The following EYS variants were observed in gnomAD, a reference collection of about 807,000 sequenced individuals.
The protein encoded by EYS is EGF-like photoreceptor maintenance factor, also known as protein eyes shut homolog.
EYS carries 250 observed loss-of-function variants against 282.1 expected under a neutral mutation model. The ratio of observed to expected loss-of-function variants is 0.89; its 90% confidence interval spans 0.80 to 0.98. The LOEUF is 0.98. Among genes scored for constraint, EYS ranks in the 50% least tolerant of loss-of-function variants. The pLI, the probability that EYS is intolerant of heterozygous loss-of-function variation, is 0.00. For missense variants in EYS, 4,016 were observed against 3,709.0 expected, an observed-to-expected ratio of 1.08 and a Z score of -2.15; for synonymous variants, 1,355 against 1,282.9, an observed-to-expected ratio of 1.06 and a Z score of -1.20.
intron 12 of EYS, among the ~76,000 whole-genome samples, chr6:65,162,032 C>T (rs1355533950): frequency 6.6e-6 from 1 of 151,226 alleles, no homozygotes; most frequent in Non-Finnish European, 1.5e-5. Flanking sequence ...AACTATTAAA[C>T]ATCTGAAACA....
intron 5 of EYS, among the ~76,000 whole-genome samples, chr6:65,482,597 G>A (rs1765647789): frequency 6.6e-6 from 1 of 152,144 alleles, no homozygotes; most frequent in African/African-American, 2.4e-5. Context: ...CTACCCACTG[G>A]TGAGGATTAC....
At chr6:64,604,189 A>C (rs1766852900) in intron 24 of EYS, among the ~76,000 whole-genome samples, 1 of 151,802 alleles carries the variant, frequency 6.6e-6, no homozygotes, top group South Asian at 2.1e-4. Context: ...ACATTGTTTT[A>C]TTTATTTTCC....
chr6:65,704,043 C>T (rs1171067161), intron 1 of EYS, among the ~76,000 whole-genome samples: 1 of 152,042 alleles, frequency 6.6e-6, no homozygotes, highest in Non-Finnish European at 1.5e-5. Context: ...TAGGCAGAGT[C>T]TTCAAGCAGA....
intron 34 of EYS, among the ~76,000 whole-genome samples, chr6:63,991,042 T>C (rs1292756265): frequency 1.3e-5 from 2 of 151,684 alleles, no homozygotes; most frequent in Non-Finnish European, 3.0e-5. Context: ...CTTCTGAGAA[T>C]AAGAGAGATG....
At chr6:65,263,703 C>CTGTGTGTGTGTGTGTGTGTGTGTGTG (rs3042394) in intron 12 of EYS, among the ~76,000 whole-genome samples, 2 of 141,316 alleles carry the variant, frequency 1.4e-5, no homozygotes, top group African/African-American at 5.2e-5. Flanking sequence ...CAAGGCAAAG[C>CTGTGTGTGTGTGTGTGTGTGTGTGTG]TGTGTGTGTG....
At chr6:64,236,199 TC>T (rs1562265809) in intron 30 of EYS, among the ~76,000 whole-genome samples, 2 of 152,212 alleles carry the variant, frequency 1.3e-5, no homozygotes, top group Non-Finnish European at 1.5e-5. Flanking sequence ...GGTCTCTATC[TC>T]CTGACCTTGT....
intron 42 of EYS, among the ~76,000 whole-genome samples, chr6:63,725,069 T>C (rs1475948748): frequency 6.6e-6 from 1 of 152,138 alleles, no homozygotes; most frequent in African/African-American, 2.4e-5. Context: ...CTGATAATTG[T>C]TTTTGGTTAA....
rs577468355 is a variant in EYS, at chr6:65,302,062, T to C, written c.1767-5943A>G. 8.5e-3 allele frequency among the ~76,000 whole-genome samples: 1,300 copies of C among 152,308 alleles called. 8 individuals carry two copies. Among genetic ancestry groups the C allele is most frequent in the African/African-American group, 0.029 (1,221 of 41,518 alleles). Reference sequence around the variant, plus strand: ...ATGGAAGATGGATTTTTTTTCATGATCCTTTGACTCTCAAGTTCATCTTTA... The same window carrying C: ...ATGGAAGATGGATTTTTTTTCATGACCCTTTGACTCTCAAGTTCATCTTTA... On this transcript the variant is annotated intron_variant, in intron 11 of 42. Coordinates refer to ENST00000503581, the MANE Select transcript of EYS (RefSeq NM_001142800.2).
At chr6:64,411,202 C>A (rs1199711947) in intron 28 of EYS, among the ~76,000 whole-genome samples, 1 of 151,882 alleles carries the variant, frequency 6.6e-6, no homozygotes, top group East Asian at 1.9e-4. Context: ...CCTGACCATT[C>A]ACAAATTATA....
intron 9 of EYS, among the ~76,000 whole-genome samples, chr6:65,349,499 G>A (rs1014450772): frequency 9.3e-5 from 14 of 151,288 alleles, no homozygotes; most frequent in Non-Finnish European, 1.9e-4. Context: ...CAGGAGGAAG[G>A]TTATTATTAT....
chr6:63,938,823 A>C (rs1324813502), intron 35 of EYS, among the ~76,000 whole-genome samples: 1 of 152,228 alleles, frequency 6.6e-6, no homozygotes, highest in Non-Finnish European at 1.5e-5. Flanking sequence ...CGTGTACTCA[A>C]GGGTGCTGAG....
chr6:64,803,762 A>G (rs929560089), intron 22 of EYS, among the ~76,000 whole-genome samples: 4 of 152,196 alleles, frequency 2.6e-5, no homozygotes, highest in Admixed American at 2.0e-4. Context: ...CATCACCCAA[A>G]GCATGGGCAC....
chr6:64,767,236 A>G (rs1773380378), intron 22 of EYS, among the ~76,000 whole-genome samples: 1 of 152,126 alleles, frequency 6.6e-6, no homozygotes, highest in Non-Finnish European at 1.5e-5. Context: ...GGTAATTAGC[A>G]TATTCATCAT....
At chr6:63,912,462 T>C (rs1764280473) in intron 35 of EYS, among the ~76,000 whole-genome samples, 1 of 152,208 alleles carries the variant, frequency 6.6e-6, no homozygotes. Flanking sequence ...AATCAATATT[T>C]AAAAGACTGT....
intron 12 of EYS, among the ~76,000 whole-genome samples, chr6:65,102,488 A>G (rs1188209289): frequency 6.6e-6 from 1 of 151,254 alleles, no homozygotes; most frequent in East Asian, 1.9e-4. Context: ...GGCTCTTTCT[A>G]CTTTTTTTAT....
At chr6:64,507,216 A>G (rs1314459926) in intron 26 of EYS, among the ~76,000 whole-genome samples, 1 of 152,088 alleles carries the variant, frequency 6.6e-6, no homozygotes, top group Admixed American at 6.5e-5. Flanking sequence ...TTTAAATTCT[A>G]GGGTACATGT....
intron 35 of EYS, among the ~76,000 whole-genome samples, chr6:63,893,142 G>T (rs1485389434): frequency 6.6e-6 from 1 of 152,290 alleles, no homozygotes. Flanking sequence ...GGGTAAATTA[G>T]TTTAGCCTTG....
At chr6:64,541,460 C>G (rs1169395773) in intron 26 of EYS, among the ~76,000 whole-genome samples, 1 of 152,072 alleles carries the variant, frequency 6.6e-6, no homozygotes, top group Non-Finnish European at 1.5e-5. Context: ...GGTCATCTAC[C>G]TCTCCAAACT....
At chr6:64,761,283 A>G (rs1773148325) in intron 22 of EYS, among the ~76,000 whole-genome samples, 1 of 152,176 alleles carries the variant, frequency 6.6e-6, no homozygotes. Flanking sequence ...AATCCTGATT[A>G]TCACTTAGAA....
Sources: gnomAD v4.1 joint callset for allele counts (sites outside exome capture counted in the v4.1 genomes callset) on GRCh38, gnomAD v4.1.1 for gene constraint, MANE v1.5 for transcripts, NCBI Gene and HGNC (gene_info 2026-07-23, HGNC 2026-07-21) for gene names.